Variants in PTPRM observed in about 807,000 individuals in gnomAD.
PTPRM encodes protein tyrosine phosphatase receptor type M.
In PTPRM, 47 loss-of-function variants were observed where a neutral mutation model predicts 186.7. The ratio of observed to expected loss-of-function variants is 0.25; its 90% confidence interval spans 0.20 to 0.32. The LOEUF (loss-of-function observed/expected upper bound fraction) is 0.32. Among genes scored for constraint, PTPRM ranks in the 10% least tolerant of loss-of-function variants. PTPRM has a pLI of 1.00. For missense variants in PTPRM, 1,494 were observed against 1,865.0 expected (o/e 0.80, Z 3.66); for synonymous variants, 668 against 674.9 (o/e 0.99, Z 0.16).
intron 3 of PTPRM, among the ~76,000 whole-genome samples, chr18:7,905,283 G>A (rs775727060): frequency 9.2e-5 from 14 of 152,120 alleles, no homozygotes; most frequent in East Asian, 1.9e-4. Flanking sequence ...CTGAGCCACC[G>A]CGCCCAGCCC....
At chr18:7,863,520 G>A (rs141227546) in intron 2 of PTPRM, among the ~76,000 whole-genome samples, 7,510 of 152,120 alleles carry the variant, frequency 0.049, 184 homozygotes, top group Middle Eastern at 0.11. Flanking sequence ...CCCTGCAAAG[G>A]ACATGAACTC....
At chr18:7,922,919 G>A (rs180856407) in intron 4 of PTPRM, among the ~76,000 whole-genome samples, 226 of 152,260 alleles carry the variant, frequency 1.5e-3, no homozygotes, top group African/African-American at 5.2e-3. Context: ...ATGTATTAGG[G>A]TTTCTTAACC....
intron 4 of PTPRM, among the ~76,000 whole-genome samples, chr18:7,907,465 C>T (rs1384826007): frequency 6.6e-6 from 1 of 152,204 alleles, no homozygotes; most frequent in African/African-American, 2.4e-5. Context: ...GCAGGGGAGC[C>T]AGCTGCGAGG....
intron 11 of PTPRM, among the ~76,000 whole-genome samples, chr18:8,100,329 C>T (rs202136071): frequency 4.6e-5 from 7 of 152,052 alleles, no homozygotes; most frequent in African/African-American, 1.4e-4. Context: ...TTAGTAGAGA[C>T]GGGGTTTTGC....
chr18:8,348,118 T>G (rs1233837836), intron 23 of PTPRM, among the ~76,000 whole-genome samples: 2 of 152,200 alleles, frequency 1.3e-5, no homozygotes, highest in Non-Finnish European at 1.5e-5. Flanking sequence ...AATGACATGG[T>G]TTTTAAGGGC....
intron 1 of PTPRM, among the ~76,000 whole-genome samples, chr18:7,583,243 C>A (rs1374906905): frequency 6.6e-6 from 1 of 152,212 alleles, no homozygotes; most frequent in Non-Finnish European, 1.5e-5. Flanking sequence ...GGAAATGTGA[C>A]AATTGCATGC....
Position 7,643,587 on chromosome 18 carries a change from G to A in PTPRM, c.73+75696G>A, listed in dbSNP as rs184340743. On this transcript the variant is annotated intron_variant, in intron 1 of 32. Coordinates refer to ENST00000580170, the MANE Select transcript of PTPRM (RefSeq NM_001105244.2). The stretch of plus-strand genomic sequence containing the variant: ...GATCTCCTGACCTTGTGATCTGCCC[G>A]CTTTGGCCTCGCAAAGTGCTGGGAT... Among the ~76,000 whole-genome samples, 13 of 152,148 alleles carry A rather than the reference G, an allele frequency of 8.5e-5. No homozygotes were observed. In the East Asian group the frequency reaches 1.5e-3, roughly 18 times the overall value.
intron 7 of PTPRM, among the ~76,000 whole-genome samples, chr18:8,027,505 A>G (rs1348113252): frequency 6.6e-6 from 1 of 152,204 alleles, no homozygotes; most frequent in South Asian, 2.1e-4. Context: ...TTCATAAGTC[A>G]TTTGAGATTT....
intron 1 of PTPRM, among the ~76,000 whole-genome samples, chr18:7,708,094 A>C (rs1434474089): frequency 6.6e-6 from 1 of 152,204 alleles, no homozygotes; most frequent in Non-Finnish European, 1.5e-5. Context: ...TTTAGAAAGC[A>C]TTCAGTAAGG....
chr18:8,211,374 C>CTTTTTTTTTTTTTTTTTT (rs2094001709), intron 14 of PTPRM, among the ~76,000 whole-genome samples: 2 of 109,542 alleles, frequency 1.8e-5, no homozygotes, highest in African/African-American at 7.1e-5. Context: ...TAGGTCTCTT[C>CTTTTTTTTTTTTTTTTTT]TTCTTTTTTT....
At chr18:7,843,019 C>A (rs2046430310) in intron 2 of PTPRM, among the ~76,000 whole-genome samples, 1 of 147,172 alleles carries the variant, frequency 6.8e-6, no homozygotes, top group Non-Finnish European at 1.5e-5. Flanking sequence ...CATGTAGTGC[C>A]TTTATGTTTC....
chr18:7,613,957 G>A (rs1040612125), intron 1 of PTPRM, among the ~76,000 whole-genome samples: 19 of 152,294 alleles, frequency 1.2e-4, no homozygotes, highest in Non-Finnish European at 1.9e-4. Context: ...TTACTGGGCT[G>A]CTAGATAGTT....
chr18:7,650,196 G>A (rs1018913292), intron 1 of PTPRM, among the ~76,000 whole-genome samples: 11 of 152,086 alleles, frequency 7.2e-5, no homozygotes, highest in Non-Finnish European at 1.5e-4. Flanking sequence ...TTCGGCATTC[G>A]TAGGTTTTCA....
At chr18:7,627,904 A>G (rs1049888352) in intron 1 of PTPRM, among the ~76,000 whole-genome samples, 1 of 152,214 alleles carries the variant, frequency 6.6e-6, no homozygotes, top group East Asian at 1.9e-4. Context: ...CATTGATTCC[A>G]AATAAGAGGC....
chr18:8,311,170 G>A (rs1055877054), intron 20 of PTPRM, among the ~76,000 whole-genome samples: 3 of 152,110 alleles, frequency 2.0e-5, no homozygotes, highest in African/African-American at 4.8e-5. Context: ...TTAGCCAGGC[G>A]TGGAGGTGTG....
chr18:7,636,643 A>G (rs958378826), intron 1 of PTPRM, among the ~76,000 whole-genome samples: 9 of 152,142 alleles, frequency 5.9e-5, no homozygotes, highest in Non-Finnish European at 1.2e-4. Context: ...AGGACAGAGG[A>G]GGCGCGTGCT....
At chr18:8,347,315 C>G (rs1229069749) in intron 23 of PTPRM, among the ~76,000 whole-genome samples, 6 of 152,094 alleles carry the variant, frequency 3.9e-5, no homozygotes, top group African/African-American at 1.4e-4. Context: ...ATTGGAATTC[C>G]AAAGGACACC....
At chr18:7,611,103 A>G (rs891880407) in intron 1 of PTPRM, among the ~76,000 whole-genome samples, 1 of 152,226 alleles carries the variant, frequency 6.6e-6, no homozygotes, top group African/African-American at 2.4e-5. Context: ...GAGCTTAGAA[A>G]ATAAGGATAT....
intron 14 of PTPRM, among the ~76,000 whole-genome samples, chr18:8,151,963 G>A (rs1039171513): frequency 3.9e-5 from 6 of 152,058 alleles, no homozygotes; most frequent in Admixed American, 6.6e-5. Context: ...ACCCTGCTTC[G>A]GCTCGCCCTC....
Sources: allele counts gnomAD v4.1 joint callset (sites outside exome capture counted in the v4.1 genomes callset), GRCh38; gene constraint gnomAD v4.1.1; transcripts MANE v1.5; gene names NCBI Gene and HGNC (gene_info 2026-07-23, HGNC 2026-07-21).